GPC5: variants seen among roughly 807,000 people sequenced by gnomAD.
GPC5 encodes glypican-5.
A neutral mutation model predicts 53.9 loss-of-function variants in GPC5; 47 were observed. The observed-to-expected ratio is 0.87, with a 90% confidence interval of 0.69 to 1.11. GPC5 has a LOEUF of 1.11. Among genes scored for constraint, GPC5 ranks in the 50% most tolerant of loss-of-function variants. The pLI is 0.00. For missense variants in GPC5, 748 were observed against 713.1 expected, an observed-to-expected ratio of 1.05 and a Z score of -0.56; for synonymous variants, 286 against 263.3, an observed-to-expected ratio of 1.09 and a Z score of -0.84.
At chr13:92,124,292 T>C (rs1439013530) in intron 6 of GPC5, among the ~76,000 whole-genome samples, 1 of 150,294 alleles carries the variant, frequency 6.7e-6, no homozygotes, top group Non-Finnish European at 1.5e-5. Flanking sequence ...CTCATATTAT[T>C]CTTTGAGCTC....
intron 7 of GPC5, among the ~76,000 whole-genome samples, chr13:92,649,505 T>G (rs1039088942): frequency 5.9e-5 from 9 of 152,138 alleles, no homozygotes; most frequent in African/African-American, 1.9e-4. Context: ...AAACTGCCAA[T>G]GGTATGACAC....
Position 92,152,939 on chromosome 13 carries a change from C to T in GPC5, c.1561+7950C>T, listed in dbSNP as rs12864496. 6.4e-3 allele frequency among the ~76,000 whole-genome samples: 975 copies of T among 152,158 alleles called. 7 individuals are homozygous for T. Among genetic ancestry groups the T allele is most frequent in the Admixed American group, 8.3e-3 (127 of 15,292 alleles). Reference sequence around the variant, plus strand: ...TGAACAGAGAGTTTGCCTATCCTGACCATAACTTTTATAAAAAATACAGTT... The same window carrying T: ...TGAACAGAGAGTTTGCCTATCCTGATCATAACTTTTATAAAAAATACAGTT... On this transcript the variant is annotated intron_variant, in intron 7 of 7. Transcript: ENST00000377067.
chr13:91,960,146 C>T (rs193136168), intron 6 of GPC5, among the ~76,000 whole-genome samples: 7 of 145,428 alleles, frequency 4.8e-5, no homozygotes, highest in Admixed American at 2.8e-4. Context: ...TCCCTCTTTA[C>T]TGATAATATG....
At chr13:92,256,469 G>A (rs1434318334) in intron 7 of GPC5, among the ~76,000 whole-genome samples, 1 of 152,038 alleles carries the variant, frequency 6.6e-6, no homozygotes, top group South Asian at 2.1e-4. Context: ...GTCATCCAGA[G>A]TTAGCAATAT....
In GPC5 at chr13:91,448,952, G is replaced by T. The variant is rs9589235; in HGVS notation, c.325+30G>T. The T allele has an allele frequency of 5.7e-3, 9,096 of 1,603,462 alleles. 320 individuals are homozygous for T. In the South Asian group the frequency reaches 0.073, roughly 13 times the overall value. ...GTGGATCTTGAATTCTGCAACTAAG[G>T]ACTGGCCGTGTTATGTAATTTGCCT... On this transcript the variant is annotated intron_variant, in intron 2 of 7. Coordinates refer to ENST00000377067, the MANE Select transcript of GPC5 (RefSeq NM_004466.6).
chr13:91,839,885 C>A (rs935273384), intron 5 of GPC5, among the ~76,000 whole-genome samples: 6 of 152,028 alleles, frequency 3.9e-5, no homozygotes, highest in African/African-American at 1.4e-4. Context: ...AATTCCATGG[C>A]AATGCTGTTA....
chr13:92,765,628 C>A (rs757738813), intron 7 of GPC5, among the ~76,000 whole-genome samples: 1 of 152,182 alleles, frequency 6.6e-6, no homozygotes, highest in Non-Finnish European at 1.5e-5. Context: ...GCATTACCAT[C>A]GCCTGGGACC....
chr13:92,559,584 T>C (rs980737005), intron 7 of GPC5, among the ~76,000 whole-genome samples: 7 of 151,654 alleles, frequency 4.6e-5, no homozygotes, highest in Non-Finnish European at 8.8e-5. Context: ...AATATTCTTT[T>C]GCTTGAATCA....
intron 7 of GPC5, among the ~76,000 whole-genome samples, chr13:92,177,905 A>G (rs1205997414): frequency 6.6e-6 from 1 of 152,216 alleles, no homozygotes; most frequent in African/African-American, 2.4e-5. Context: ...ATATATAATT[A>G]AAGATGCCCC....
At chr13:91,820,014 A>C (rs534671302) in intron 5 of GPC5, among the ~76,000 whole-genome samples, 2 of 152,202 alleles carry the variant, frequency 1.3e-5, no homozygotes, top group East Asian at 3.9e-4. Context: ...CCTCTTTACA[A>C]AGCATTTTCT....
intron 7 of GPC5, among the ~76,000 whole-genome samples, chr13:92,333,384 G>C (rs2043301380): frequency 6.6e-6 from 1 of 152,098 alleles, no homozygotes; most frequent in East Asian, 1.9e-4. Context: ...CAGAACCTAG[G>C]GGAAGGGAAA....
chr13:92,343,564 A>C (rs2043384980), intron 7 of GPC5, among the ~76,000 whole-genome samples: 1 of 152,192 alleles, frequency 6.6e-6, no homozygotes, highest in Non-Finnish European at 1.5e-5. Context: ...GATATGAATC[A>C]GAAATGTATT....
intron 6 of GPC5, among the ~76,000 whole-genome samples, chr13:91,920,397 C>T (rs2039699566): frequency 6.6e-6 from 1 of 152,130 alleles, no homozygotes; most frequent in African/African-American, 2.4e-5. Context: ...AATGATGAGA[C>T]ATTTGAATTT....
At chr13:92,478,497 T>C (rs1594236286) in intron 7 of GPC5, among the ~76,000 whole-genome samples, 1 of 152,322 alleles carries the variant, frequency 6.6e-6, no homozygotes, top group Middle Eastern at 3.4e-3. Context: ...GATCATTATC[T>C]GCAAAAGTGA....
chr13:92,567,511 A>G (rs1362494207), intron 7 of GPC5, among the ~76,000 whole-genome samples: 1 of 152,190 alleles, frequency 6.6e-6, no homozygotes, highest in Non-Finnish European at 1.5e-5. Flanking sequence ...GCTGTGAATC[A>G]ACTGATGTTA....
At chr13:91,993,563 T>C (rs2040476477) in intron 6 of GPC5, among the ~76,000 whole-genome samples, 1 of 152,218 alleles carries the variant, frequency 6.6e-6, no homozygotes, top group Admixed American at 6.5e-5. Context: ...AGATCAATTG[T>C]CATGTAATTC....
intron 5 of GPC5, among the ~76,000 whole-genome samples, chr13:91,887,279 C>T (rs545565361): frequency 4.6e-5 from 7 of 152,288 alleles, no homozygotes; most frequent in South Asian, 2.1e-4. Context: ...GGTGGAGCGG[C>T]TGCAATGCAG....
chr13:92,595,666 G>A (rs931145398), intron 7 of GPC5, among the ~76,000 whole-genome samples: 25 of 150,244 alleles, frequency 1.7e-4, no homozygotes, highest in Non-Finnish European at 3.1e-4. Context: ...TACTTGGGAG[G>A]CTGAGGCAGG....
Position 91,405,826 on chromosome 13 carries a change from A to G in GPC5, c.163+6617A>G, listed in dbSNP as rs542964347. Among the ~76,000 whole-genome samples the G allele has an allele frequency of 3.3e-5, 5 of 152,264 alleles. No homozygotes were observed. In the South Asian group the frequency reaches 1.0e-3, roughly 32 times the overall value. On this transcript the variant is annotated intron_variant, in intron 1 of 7. Coordinates refer to ENST00000377067, the MANE Select transcript of GPC5 (RefSeq NM_004466.6). ...CACTCTGTCACCCAGGCTGGAGTGC[A>G]GTGGTATAATTACAGCTCACTGCAG...
Sources: gnomAD v4.1 joint callset for allele counts (sites outside exome capture counted in the v4.1 genomes callset) on GRCh38, gnomAD v4.1.1 for gene constraint, MANE v1.5 for transcripts, NCBI Gene and HGNC (gene_info 2026-07-23, HGNC 2026-07-21) for gene names.